TTYH3: variants seen among roughly 807,000 people sequenced by gnomAD.
The protein encoded by TTYH3 is protein tweety homolog 3.
TTYH3 carries 23 observed loss-of-function variants against 68.2 expected under a neutral mutation model. The ratio of observed to expected loss-of-function variants is 0.34; its 90% CI spans 0.24 to 0.48. The LOEUF is 0.48. Ranked by LOEUF, TTYH3 falls within the 20% of genes least tolerant of loss-of-function variation. The pLI, the probability that TTYH3 is intolerant of heterozygous loss-of-function variation, is 0.99. For synonymous variants in TTYH3, 360 were observed against 332.8 expected (o/e 1.08, Z -0.89); for missense variants, 768 against 727.7 (o/e 1.06, Z -0.64).
chr7:2,649,502 A>C, intron 5 of TTYH3, 65 bp from the exon 6 acceptor site: 1 of 1,485,804 alleles, frequency 6.7e-7, no homozygotes, highest in Non-Finnish European at 9.1e-7. Flanking sequence ...TCTGGCCTGC[A>C]GCCCAGCAGG....
At chr7:2,653,031 C>T in intron 9 of TTYH3, 21 bp downstream of exon 9, 1 of 1,551,712 alleles carries the variant, frequency 6.4e-7, no homozygotes, top group Non-Finnish European at 8.7e-7. Flanking sequence ...GCGGGGTAGG[C>T]ACTGGGGCAG....
intron 5 of TTYH3, 40 bp from the exon 6 acceptor site, chr7:2,649,527 C>T (rs942873473): frequency 1.9e-6 from 3 of 1,542,364 alleles, no homozygotes; most frequent in South Asian, 1.2e-5. Context: ...ACGGCCCCCA[C>T]CCTGGCCTGG....
intron 8 of TTYH3, 75 bp downstream of exon 8, chr7:2,652,317 G>A: frequency 7.3e-7 from 1 of 1,365,132 alleles, no homozygotes; most frequent in Non-Finnish European, 1.0e-6. Flanking sequence ...GGGCCCAGCA[G>A]GCCTGGCGCC....
At chr7:2,643,513 A>G (rs1259495113) in intron 1 of TTYH3, among the ~76,000 whole-genome samples, 1 of 152,212 alleles carries the variant, frequency 6.6e-6, no homozygotes, top group African/African-American at 2.4e-5. Flanking sequence ...GGCGGCGCCA[A>G]GGGCAAGGGT....
intron 8 of TTYH3, among the ~76,000 whole-genome samples, 200 bp downstream of exon 8, chr7:2,652,442 G>C (rs1786210244): frequency 6.6e-6 from 1 of 152,216 alleles, no homozygotes; most frequent in Non-Finnish European, 1.5e-5. Context: ...ACCTGGCTGA[G>C]AGCCTTTCGG....
intron 1 of TTYH3, among the ~76,000 whole-genome samples, chr7:2,633,440 C>A (rs1054600028): frequency 1.3e-5 from 2 of 152,096 alleles, no homozygotes; most frequent in Non-Finnish European, 2.9e-5. Context: ...TGCACCCAGG[C>A]CCCCCAGCCG....
At chr7:2,646,448 C>T (rs1785983311) in intron 1 of TTYH3, among the ~76,000 whole-genome samples, 1 of 152,250 alleles carries the variant, frequency 6.6e-6, no homozygotes, top group Non-Finnish European at 1.5e-5. Flanking sequence ...CTGGCTACCT[C>T]CATCCAGCGC....
intron 6 of TTYH3, 74 bp downstream of exon 6, chr7:2,649,713 T>C: frequency 2.0e-6 from 3 of 1,520,488 alleles, no homozygotes; most frequent in Non-Finnish European, 1.8e-6. Context: ...GAAGCCACAC[T>C]CCTCTCCCCT....
In TTYH3 at chr7:2,660,463, C is replaced by T. The variant is rs1283202649; in HGVS notation, c.1501-1205C>T. 1.0e-5 allele frequency: 10 copies of T among 985,288 alleles called. No homozygotes were observed. The South Asian group carries it at 1.4e-4, about 14-fold the overall frequency. 61.0% of individuals were successfully genotyped at this position (985,288 alleles called of 1,614,324 possible). A position where few individuals can be genotyped will look rare whatever the true frequency, so the allele number is the denominator to read the frequency against. On this transcript the variant is annotated intron_variant, in intron 13 of 13. Coordinates refer to ENST00000258796, the MANE Select transcript of TTYH3 (RefSeq NM_025250.3). Reference sequence around the variant, plus strand: ...GTGCACACGGACAGGCACGTGCCGGCGAGCACGTGAGCTTCTCCCGCTGGC... The same window carrying T: ...GTGCACACGGACAGGCACGTGCCGGTGAGCACGTGAGCTTCTCCCGCTGGC...
At chr7:2,643,760 TG>T (rs1277694906) in intron 1 of TTYH3, among the ~76,000 whole-genome samples, 1 of 152,338 alleles carries the variant, frequency 6.6e-6, no homozygotes, top group East Asian at 1.9e-4. Flanking sequence ...TGATGTACGC[TG>T]ATGCCCCGAG....
chr7:2,661,076 A>AG (rs201941606), intron 13 of TTYH3, among the ~76,000 whole-genome samples: 1 of 876 alleles, frequency 1.1e-3, no homozygotes, highest in Admixed American at 0.013. Context: ...CCCCCACGGG[A>AG]GGGGGGGCTG....
intron 7 of TTYH3, among the ~76,000 whole-genome samples, chr7:2,651,903 GAC>G (rs1786188936): frequency 6.6e-6 from 1 of 152,114 alleles, no homozygotes; most frequent in South Asian, 2.1e-4. Context: ...AATGCATGCA[GAC>G]ACACATGCGA....
intron 1 of TTYH3, among the ~76,000 whole-genome samples, chr7:2,634,142 C>T (rs577660057): frequency 6.6e-6 from 1 of 152,336 alleles, no homozygotes; most frequent in Admixed American, 6.5e-5. Context: ...ATGTGGAAAC[C>T]GGCCTGCCTC....
intron 1 of TTYH3, among the ~76,000 whole-genome samples, chr7:2,635,889 G>T (rs1466693421): frequency 6.6e-6 from 1 of 152,236 alleles, no homozygotes; most frequent in Non-Finnish European, 1.5e-5. Context: ...CTGGGCTGGG[G>T]GAACGGCAGG....
chr7:2,639,644 C>T lies in TTYH3; in HGVS notation c.124-7209C>T, dbSNP rs186777621. 1.3e-4 allele frequency among the ~76,000 whole-genome samples: 20 copies of T among 152,368 alleles called. No individual in the cohort carries two copies. In the East Asian group the frequency reaches 1.7e-3, roughly 13 times the overall value. On this transcript the variant is annotated intron_variant, in intron 1 of 13. Transcript: ENST00000258796. ...ACCACAGCCGTCAGTGTGGGGACTCCGTCCCCATCCAGGAAGCCGGGGGTG... is the reference window on the plus strand; with the variant it reads ...ACCACAGCCGTCAGTGTGGGGACTCTGTCCCCATCCAGGAAGCCGGGGGTG...
chr7:2,648,112 C>G, intron 5 of TTYH3, 58 bp downstream of exon 5: 2 of 1,490,686 alleles, frequency 1.3e-6, no homozygotes, highest in Non-Finnish European at 1.8e-6. Context: ...GGGCAAGGCA[C>G]CATGTTACCC....
At position 2,652,229 on chromosome 7, in the gene TTYH3, A is replaced by G; in HGVS notation, c.914A>G (p.Asn305Ser). Residue 305 changes from asparagine (N) to serine (S), a missense_variant, in exon 8 of 14, where the codon AAC (asparagine) becomes AGC (serine). Transcript: ENST00000258796. ...YYLACSPRAA[N>S]PFQQKLSGSH... The stretch of plus-strand genomic sequence containing the variant: ...CTGGCCTGCTCGCCCCGCGCCGCCA[A>G]CCCCTTCCAGCAGGTGAGAGCCTGG... The G allele has an allele frequency of 2.5e-6, 4 of 1,612,572 alleles. No individual in the cohort carries two copies. The highest frequency in any genetic ancestry group is 3.4e-6 in the Non-Finnish European group (4 of 1,179,978).
intron 9 of TTYH3, among the ~76,000 whole-genome samples, chr7:2,653,487 G>A (rs1786247449): frequency 6.6e-6 from 1 of 152,206 alleles, no homozygotes; most frequent in African/African-American, 2.4e-5. Context: ...TGCCCTGGGG[G>A]CATTGTGGAA....
chr7:2,633,966 G>C (rs1201779509), intron 1 of TTYH3, among the ~76,000 whole-genome samples: 1 of 152,246 alleles, frequency 6.6e-6, no homozygotes, highest in African/African-American at 2.4e-5. Flanking sequence ...CCTCTGCTCA[G>C]CCTGACCTGC....
Sources: allele counts gnomAD v4.1 joint callset (sites outside exome capture counted in the v4.1 genomes callset), GRCh38; gene constraint gnomAD v4.1.1; transcripts MANE v1.5; gene names NCBI Gene and HGNC (gene_info 2026-07-23, HGNC 2026-07-21).